Variants in ITPKB observed in about 807,000 individuals in gnomAD.
The protein encoded by ITPKB is IP3 3-kinase B.
A neutral mutation model predicts 69.4 loss-of-function variants in ITPKB; 13 were observed. The observed-to-expected ratio is 0.19, with a 90% CI of 0.12 to 0.30. The LOEUF (loss-of-function observed/expected upper bound fraction) is 0.30, where lower values mean the gene tolerates loss of function less well. Among genes scored for constraint, ITPKB ranks in the 10% least tolerant of loss-of-function variants. The pLI, the probability that ITPKB is intolerant of heterozygous loss-of-function variation, is 1.00. For missense variants in ITPKB, 1,240 were observed against 1,250.5 expected, an observed-to-expected ratio of 0.99 and a Z score of 0.13; for synonymous variants, 584 against 513.7, an observed-to-expected ratio of 1.14 and a Z score of -1.85.
intron 2 of ITPKB, among the ~76,000 whole-genome samples, chr1:226,709,596 C>G (rs1455734676): frequency 2.0e-5 from 3 of 152,156 alleles, no homozygotes; most frequent in Non-Finnish European, 4.4e-5. Context: ...CCAACTTCCC[C>G]CCAACAAGAA....
At chr1:226,649,535 T>C (rs1160500269) in intron 2 of ITPKB, among the ~76,000 whole-genome samples, 3 of 151,744 alleles carry the variant, frequency 2.0e-5, no homozygotes, top group South Asian at 4.2e-4. Context: ...TGTGTGCATG[T>C]GTGTGCATGC....
chr1:226,704,257 A>G (rs531371773), intron 2 of ITPKB, among the ~76,000 whole-genome samples: 1 of 152,358 alleles, frequency 6.6e-6, no homozygotes, highest in African/African-American at 2.4e-5. Context: ...ATGCCGTAAA[A>G]TACCAATTAC....
chr1:226,644,349 C>T (rs999377639), intron 4 of ITPKB, among the ~76,000 whole-genome samples: 2 of 152,190 alleles, frequency 1.3e-5, no homozygotes, highest in African/African-American at 4.8e-5. Flanking sequence ...GACCTGCTCG[C>T]CCACTCACAG....
chr1:226,644,047 T>TG (rs1669015922), intron 4 of ITPKB, among the ~76,000 whole-genome samples: 2 of 152,222 alleles, frequency 1.3e-5, no homozygotes, highest in Admixed American at 6.5e-5. Context: ...GGGGACCGCA[T>TG]GGTGGGTGGC....
chr1:226,649,463 T>C lies in ITPKB; in HGVS notation c.1933-692A>G, dbSNP rs371835136. 4.0e-5 allele frequency among the ~76,000 whole-genome samples: 6 copies of C among 150,670 alleles called. No homozygotes were observed. In the South Asian group the frequency reaches 1.3e-3, roughly 32 times the overall value. Reference sequence around the variant, plus strand: ...TGTGCGTGTGTGTGCATGTGTGATATGTGCATGTATGTGCATATGTGTGCA... The same window carrying C: ...TGTGCGTGTGTGTGCATGTGTGATACGTGCATGTATGTGCATATGTGTGCA... On this transcript the variant is annotated intron_variant, in intron 2 of 7. Transcript: ENST00000429204.
At chr1:226,679,019 C>G (rs1655994951) in intron 2 of ITPKB, among the ~76,000 whole-genome samples, 2 of 152,226 alleles carry the variant, frequency 1.3e-5, no homozygotes, top group South Asian at 4.1e-4. Context: ...GACGCCAGCA[C>G]TCAGGCTAGG....
At chr1:226,733,072 G>C (rs3754411) in intron 2 of ITPKB, among the ~76,000 whole-genome samples, 303 of 152,120 alleles carry the variant, frequency 2.0e-3, no homozygotes, top group African/African-American at 7.0e-3. Flanking sequence ...TATGTGACTG[G>C]AACGCTGAAC....
intron 2 of ITPKB, among the ~76,000 whole-genome samples, chr1:226,704,134 G>T (rs1656746073): frequency 1.3e-5 from 2 of 152,048 alleles, no homozygotes; most frequent in Non-Finnish European, 2.9e-5. Context: ...GAAAATTTTT[G>T]ATAATTCAAT....
At chr1:226,662,077 G>C (rs1311887854) in intron 2 of ITPKB, among the ~76,000 whole-genome samples, 1 of 152,148 alleles carries the variant, frequency 6.6e-6, no homozygotes, top group African/African-American at 2.4e-5. Flanking sequence ...CAGCCTGGCA[G>C]GAGAGCCACT....
At position 226,641,077 on chromosome 1, in the gene ITPKB, G is replaced by A. The variant is rs1481856757; in HGVS notation, c.2451+844C>T. Among the ~76,000 whole-genome samples the A allele has an allele frequency of 6.6e-6, 1 of 152,240 alleles. No homozygotes were observed. The highest frequency in any genetic ancestry group is 1.5e-5 in the Non-Finnish European group (1 of 68,038). On this transcript the variant is annotated intron_variant, in intron 5 of 7. Coordinates refer to ENST00000429204, the MANE Select transcript of ITPKB (RefSeq NM_002221.4). The surrounding 1 kb of genome is among the most constrained non-coding windows in gnomAD (Gnocchi z 4.6). ...CAAGAGGGACAGCTTCTGAGACCCT[G>A]AGGGGCCGGCGCCCCAAAGCCCGGC...
At chr1:226,720,667 A>C (rs1657213384) in intron 2 of ITPKB, among the ~76,000 whole-genome samples, 3 of 152,176 alleles carry the variant, frequency 2.0e-5, no homozygotes, top group African/African-American at 7.2e-5. Context: ...GCATCCTAAG[A>C]CTGTTTAGTA....
intron 2 of ITPKB, among the ~76,000 whole-genome samples, chr1:226,652,280 C>G (rs1669210070): frequency 6.6e-6 from 1 of 152,146 alleles, no homozygotes; most frequent in African/African-American, 2.4e-5. Flanking sequence ...TTGTGATGGT[C>G]GGGGAGACCA....
In ITPKB at chr1:226,632,224, C is replaced by T. The variant is rs1416106896; in HGVS notation, c.*2447G>A. 4 of 152,562 alleles carry T rather than the reference C, an allele frequency of 2.6e-5. No individual in the cohort carries two copies. Among genetic ancestry groups the T allele is most frequent in the African/African-American group, 4.8e-5 (2 of 41,468 alleles). 9.5% of individuals were successfully genotyped at this position (152,562 alleles called of 1,614,324 possible). A position where few individuals can be genotyped will look rare whatever the true frequency, so the allele number is the denominator to read the frequency against. On this transcript the variant is annotated 3_prime_UTR_variant, in exon 8 of 8. Transcript: ENST00000429204. ...TGCCAGGAACTCGTGGGGCCCCCCG[C>T]AGGACAGGGCAAGAGGACCCTGCGC...
chr1:226,654,253 A>G (rs141900583), intron 2 of ITPKB, among the ~76,000 whole-genome samples: 4 of 152,156 alleles, frequency 2.6e-5, no homozygotes, highest in African/African-American at 9.7e-5. Flanking sequence ...CAAAACCCCA[A>G]CCATCTTTGC....
chr1:226,657,587 C>T (rs1290964686), intron 2 of ITPKB, among the ~76,000 whole-genome samples: 1 of 152,174 alleles, frequency 6.6e-6, no homozygotes. Flanking sequence ...GTATTGCCAG[C>T]CGAACTCTGC....
chr1:226,673,665 T>C (rs776203915), intron 2 of ITPKB, among the ~76,000 whole-genome samples: 1 of 152,244 alleles, frequency 6.6e-6, no homozygotes, highest in Non-Finnish European at 1.5e-5. Flanking sequence ...ATAAATAGTG[T>C]AGATATTGCA....
chr1:226,680,035 G>A (rs143214283), intron 2 of ITPKB, among the ~76,000 whole-genome samples: 1 of 152,308 alleles, frequency 6.6e-6, no homozygotes, highest in East Asian at 1.9e-4. Flanking sequence ...CTGCGCCTCC[G>A]ACCAGCTTAC....
chr1:226,658,259 G>A (rs1412209879), intron 2 of ITPKB, among the ~76,000 whole-genome samples: 1 of 152,224 alleles, frequency 6.6e-6, no homozygotes, highest in Non-Finnish European at 1.5e-5. Context: ...GAGTGGAGGC[G>A]GTGGCCAACT....
chr1:226,695,154 C>T (rs1483806843), intron 2 of ITPKB, among the ~76,000 whole-genome samples: 1 of 152,090 alleles, frequency 6.6e-6, no homozygotes, highest in Admixed American at 6.5e-5. Context: ...TGCTTGAACC[C>T]GGGAGGCGGA....
Sources: gnomAD v4.1 joint callset for allele counts (sites outside exome capture counted in the v4.1 genomes callset) on GRCh38, gnomAD v4.1.1 for gene constraint, Gnocchi (gnomAD v3.1) non-coding constraint, MANE v1.5 for transcripts, NCBI Gene and HGNC (gene_info 2026-07-23, HGNC 2026-07-21) for gene names.